The following TRAF3IP1 variants were observed in gnomAD, a reference collection of about 807,000 sequenced individuals.
TRAF3IP1 encodes TRAF3-interacting protein 1.
Under a neutral mutation model 89.9 loss-of-function variants are expected in TRAF3IP1, and 53 were observed. The observed-to-expected ratio is 0.59, with a 90% CI of 0.47 to 0.74. The LOEUF is 0.74. Among genes scored for constraint, TRAF3IP1 ranks in the 30% least tolerant of loss-of-function variants. The pLI, the probability that TRAF3IP1 is intolerant of heterozygous loss-of-function variation, is 0.00. For missense variants in TRAF3IP1, 806 were observed against 866.1 expected, an observed-to-expected ratio of 0.93 and a Z score of 0.87; for synonymous variants, 311 against 322.1, an observed-to-expected ratio of 0.97 and a Z score of 0.37.
At chr2:238,347,709 C>A (rs1698958933) in intron 10 of TRAF3IP1, among the ~76,000 whole-genome samples, 1 of 152,090 alleles carries the variant, frequency 6.6e-6, no homozygotes. Context: ...TTCACCGCAA[C>A]CTCTGCCTCC....
In TRAF3IP1 at chr2:238,328,971, C is replaced by T. The variant is rs768858854; in HGVS notation, c.544C>T (p.Arg182Ter). 5.2e-6 allele frequency: 8 copies of T among 1,551,736 alleles called. No individual in the cohort carries two copies. The highest frequency in any genetic ancestry group is 2.4e-5 in the South Asian group (2 of 84,152). ...EIKERSTSRD[R>*]KQKEELKEDR... ...AAAAGAGAGAAGTACAAGCAGAGAT[C>T]GAAAACAGAAGGAAGAATTGAAAGA... The change falls in exon 5 of 17, where the codon CGA (arginine) becomes TGA (stop). Residue 182 changes from arginine (R) to a stop codon, truncating the protein, a stop_gained. Transcript: ENST00000373327. LOFTEE classifies it high-confidence loss of function.
chr2:238,343,329 C>T (rs188858858), intron 8 of TRAF3IP1, among the ~76,000 whole-genome samples: 8 of 152,288 alleles, frequency 5.3e-5, no homozygotes, highest in East Asian at 3.9e-4. Flanking sequence ...CATGATCCAC[C>T]GGCCTCAGCC....
At chr2:238,394,750 C>T (rs1177923283) in intron 15 of TRAF3IP1, among the ~76,000 whole-genome samples, 3 of 152,150 alleles carry the variant, frequency 2.0e-5, no homozygotes, top group Admixed American at 1.3e-4. Flanking sequence ...CTTTCTTGTA[C>T]TTGTCCAAGC....
chr2:238,359,591 A>G (rs1011587061), intron 15 of TRAF3IP1, among the ~76,000 whole-genome samples: 2 of 152,134 alleles, frequency 1.3e-5, no homozygotes, highest in South Asian at 2.1e-4. Flanking sequence ...ATTTCATTGT[A>G]TGGATATACC....
intron 6 of TRAF3IP1, 69 bp downstream of exon 6, chr2:238,332,964 G>C (rs73089002): frequency 3.4e-6 from 4 of 1,193,710 alleles, no homozygotes; most frequent in Non-Finnish European, 5.0e-6. Context: ...AATGCTGTGC[G>C]CTCCCCGGGT....
chr2:238,349,175 TTCC>T lies in TRAF3IP1; in HGVS notation c.1368-144_1368-142del, dbSNP rs573849772. The stretch of plus-strand genomic sequence containing the variant: ...TCTGATTGGTCGGGTTACTGGGACG[TTCC>T]TCCTCTTCTGCAGAGTAGCGTGTCC... On this transcript the variant is annotated intron_variant, in intron 11 of 16. Coordinates refer to ENST00000373327, the MANE Select transcript of TRAF3IP1 (RefSeq NM_015650.4). The T allele has an allele frequency of 5.4e-4, 378 of 701,054 alleles. 1 individual carries two copies. The highest frequency in any genetic ancestry group is 5.6e-4 in the Non-Finnish European group (238 of 424,178). The allele number at this position is 701,054 out of a possible 1,614,324, so 43.4% of individuals were successfully genotyped here. A position where few individuals can be genotyped will look rare whatever the true frequency, so the allele number is the denominator to read the frequency against.
intron 15 of TRAF3IP1, among the ~76,000 whole-genome samples, chr2:238,367,839 C>T (rs189057773): frequency 3.9e-5 from 6 of 152,346 alleles, no homozygotes; most frequent in East Asian, 1.9e-4. Flanking sequence ...AGCAGCACCG[C>T]GGCTCCAGCA....
chr2:238,394,251 GA>G (rs1701117570), intron 15 of TRAF3IP1, among the ~76,000 whole-genome samples: 1 of 152,168 alleles, frequency 6.6e-6, no homozygotes, highest in African/African-American at 2.4e-5. Context: ...TTCTTTTTCT[GA>G]AAATGTTTTA....
chr2:238,351,051 C>T lies in TRAF3IP1; in HGVS notation c.1451+1643C>T, dbSNP rs1394238521. 6.6e-6 allele frequency among the ~76,000 whole-genome samples: 1 copy of T among 151,952 alleles called. No homozygotes were observed. The highest frequency in any genetic ancestry group is 2.4e-5 in the African/African-American group (1 of 41,334). On this transcript the variant is annotated intron_variant, in intron 12 of 16. Coordinates refer to ENST00000373327, the MANE Select transcript of TRAF3IP1 (RefSeq NM_015650.4). The surrounding 1 kb of genome is among the most constrained non-coding windows in gnomAD (Gnocchi z 5.2). ...GATAGAAGGATTGTTGGAGTCAGGT[C>T]CTAGGGCGGTGAGCTGGGAATATAG...
chr2:238,348,762 A>T lies in TRAF3IP1; in HGVS notation c.1283-2A>T. The T allele has an allele frequency of 1.2e-6, 2 of 1,613,798 alleles. No homozygotes were observed. The highest frequency in any genetic ancestry group is 2.2e-5 in the South Asian group (2 of 91,050). ...ATTGCTAATTGATTGTCATTTGTTT[A>T]GAAGGAGATGCTGGACCTGCTGGCC... On this transcript the variant is annotated splice_acceptor_variant, in intron 10 of 16. Coordinates refer to ENST00000373327, the MANE Select transcript of TRAF3IP1 (RefSeq NM_015650.4). LOFTEE classifies it high-confidence loss of function.
At chr2:238,338,527 T>A in intron 8 of TRAF3IP1, 70 bp downstream of exon 8, 1 of 832,016 alleles carries the variant, frequency 1.2e-6, no homozygotes, top group Non-Finnish European at 1.9e-6. Flanking sequence ...CTCAATGTAG[T>A]TATACATTGT....
Position 238,398,925 on chromosome 2 carries a change from CAA to C in TRAF3IP1, c.*9_*10del, listed in dbSNP as rs761329018. 2 of 1,587,850 alleles carry C rather than the reference CAA, an allele frequency of 1.3e-6. No individual in the cohort carries two copies. The highest frequency in any genetic ancestry group is 2.7e-5 in the African/African-American group (2 of 73,370). On this transcript the variant is annotated 3_prime_UTR_variant, in exon 17 of 17. Transcript: ENST00000373327. ...ATTTGACTTCGAGAAGGTGAACACT[CAA>C]AAGTTTCAGAGATGAAAAGTCACCT...
intron 1 of TRAF3IP1, among the ~76,000 whole-genome samples, chr2:238,324,319 C>G (rs577846365): frequency 1.3e-5 from 2 of 152,120 alleles, no homozygotes; most frequent in Non-Finnish European, 2.9e-5. Context: ...CCACCCACCT[C>G]GGCCTCCCAA....
chr2:238,322,149 G>A (rs1053072164), intron 1 of TRAF3IP1, among the ~76,000 whole-genome samples: 1 of 152,248 alleles, frequency 6.6e-6, no homozygotes, highest in Non-Finnish European at 1.5e-5. Context: ...CCACCGTCCC[G>A]TGAAGTAGGC....
At chr2:238,349,215 T>G in intron 11 of TRAF3IP1, 110 bp from the exon 12 acceptor site, 1 of 1,050,116 alleles carries the variant, frequency 9.5e-7, no homozygotes, top group Non-Finnish European at 1.4e-6. Flanking sequence ...AACCAGCACA[T>G]TGATTATGGC....
At chr2:238,331,535 G>A (rs1314735686) in intron 5 of TRAF3IP1, among the ~76,000 whole-genome samples, 2 of 152,178 alleles carry the variant, frequency 1.3e-5, no homozygotes, top group Non-Finnish European at 2.9e-5. Flanking sequence ...ACATATCAGA[G>A]CCAAGTATAA....
chr2:238,349,537 T>C, intron 12 of TRAF3IP1, 129 bp downstream of exon 12: 1 of 916,364 alleles, frequency 1.1e-6, no homozygotes, highest in Non-Finnish European at 1.7e-6. Context: ...GAACAAAAAG[T>C]GAGGGTAGGC....
chr2:238,348,941 G>A (rs1319049749), intron 11 of TRAF3IP1, 93 bp downstream of exon 11: 10 of 1,102,560 alleles, frequency 9.1e-6, no homozygotes, highest in Non-Finnish European at 1.4e-5. Context: ...TTTATTTAGT[G>A]CTTGAGCTAA....
chr2:238,392,105 C>T (rs756479577), intron 15 of TRAF3IP1, among the ~76,000 whole-genome samples: 16 of 152,274 alleles, frequency 1.1e-4, no homozygotes, highest in Admixed American at 3.9e-4. Flanking sequence ...TGTGGTGGCA[C>T]GTGCCTGTAG....
Sources: allele counts gnomAD v4.1 joint callset (sites outside exome capture counted in the v4.1 genomes callset), GRCh38; gene constraint gnomAD v4.1.1; non-coding constraint Gnocchi (gnomAD v3.1); transcripts MANE v1.5; gene names NCBI Gene and HGNC (gene_info 2026-07-23, HGNC 2026-07-21).